The following MYO3B variants were observed in gnomAD, a reference collection of about 807,000 sequenced individuals.
MYO3B encodes the protein myosin-IIIb.
Under a neutral mutation model 174.6 loss-of-function variants are expected in MYO3B, and 156 were observed. That is an observed-to-expected ratio of 0.89 (90% confidence interval 0.78 to 1.02). The LOEUF is 1.02. Among genes scored for constraint, MYO3B ranks in the 50% least tolerant of loss-of-function variants. MYO3B has a pLI of 0.00. For missense variants in MYO3B, 1,632 were observed against 1,639.4 expected (o/e 1.00, Z 0.08); for synonymous variants, 563 against 569.1 (o/e 0.99, Z 0.15).
chr2:170,587,939 T>G (rs1016010012), intron 32 of MYO3B, among the ~76,000 whole-genome samples: 2 of 152,210 alleles, frequency 1.3e-5, no homozygotes, highest in African/African-American at 4.8e-5. Context: ...ATTTTCAGTA[T>G]GGATGAAACC....
At chr2:170,466,414 C>G in intron 24 of MYO3B, 92 bp from the exon 25 acceptor site, 2 of 1,188,328 alleles carry the variant, frequency 1.7e-6, no homozygotes, top group Non-Finnish European at 2.4e-6. Context: ...CTGTGAGCCT[C>G]GAACTGCTCC....
intron 32 of MYO3B, among the ~76,000 whole-genome samples, chr2:170,629,573 G>T (rs1696766498): frequency 6.6e-6 from 1 of 152,172 alleles, no homozygotes; most frequent in Admixed American, 6.5e-5. Flanking sequence ...CAACGGGCTG[G>T]GTGCGGTGGC....
chr2:170,220,162 C>G (rs1190393353), intron 6 of MYO3B, among the ~76,000 whole-genome samples: 3 of 151,698 alleles, frequency 2.0e-5, no homozygotes, highest in Admixed American at 2.0e-4. Flanking sequence ...GGAGGCTGAG[C>G]AAGAAGAATG....
chr2:170,355,836 G>C (rs978324372), intron 8 of MYO3B, among the ~76,000 whole-genome samples: 8 of 152,146 alleles, frequency 5.3e-5, no homozygotes, highest in Non-Finnish European at 1.2e-4. Context: ...CCAAGTTGCT[G>C]ATAGATTTAG....
chr2:170,391,354 A>G (rs2094410418), intron 14 of MYO3B, among the ~76,000 whole-genome samples, 166 bp from the exon 15 acceptor site: 1 of 152,210 alleles, frequency 6.6e-6, no homozygotes, highest in African/African-American at 2.4e-5. Context: ...TATGACAATT[A>G]CTATACTAAT....
chr2:170,336,428 A>G (rs2093947872), intron 8 of MYO3B, among the ~76,000 whole-genome samples: 1 of 152,182 alleles, frequency 6.6e-6, no homozygotes, highest in South Asian at 2.1e-4. Context: ...GGGTCTTTTG[A>G]TCATCTTCCT....
intron 32 of MYO3B, among the ~76,000 whole-genome samples, chr2:170,649,075 A>ATATAAAATAATATATAATGTATAT (rs1698677529): frequency 1.8e-5 from 1 of 54,456 alleles, no homozygotes; most frequent in Non-Finnish European, 2.6e-5. Flanking sequence ...AATGTATATT[A>ATATAAAATAATATATAATGTATAT]TATATAAAAT....
chr2:170,417,051 C>G (rs143285130), intron 22 of MYO3B, among the ~76,000 whole-genome samples: 1,860 of 152,122 alleles, frequency 0.012, 29 homozygotes, highest in African/African-American at 0.04. Flanking sequence ...ATCTCAATCT[C>G]CTGACCTCGT....
intron 23 of MYO3B, among the ~76,000 whole-genome samples, chr2:170,453,135 A>G (rs1413683544): frequency 6.6e-6 from 1 of 152,220 alleles, no homozygotes; most frequent in East Asian, 1.9e-4. Flanking sequence ...TTTTAAGGAC[A>G]TAAAACAACA....
intron 32 of MYO3B, chr2:170,641,287 ACTTTTT>A (rs1397865186): frequency 6.6e-6 from 1 of 152,214 alleles, no homozygotes; most frequent in African/African-American, 2.4e-5. Context: ...AAATTGTCAG[ACTTTTT>A]CTTAAGAACC....
intron 6 of MYO3B, among the ~76,000 whole-genome samples, chr2:170,219,639 G>A (rs2092870441): frequency 6.7e-6 from 1 of 149,876 alleles, no homozygotes; most frequent in Admixed American, 6.6e-5. Flanking sequence ...GTTAGACTCT[G>A]TCTCTCAAAA....
At chr2:170,520,481 A>G (rs1688611120) in intron 30 of MYO3B, among the ~76,000 whole-genome samples, 1 of 151,726 alleles carries the variant, frequency 6.6e-6, no homozygotes, top group African/African-American at 2.4e-5. Flanking sequence ...ATATACACAT[A>G]TATATATACA....
At chr2:170,227,683 G>A (rs916201168) in intron 6 of MYO3B, among the ~76,000 whole-genome samples, 4 of 152,202 alleles carry the variant, frequency 2.6e-5, no homozygotes, top group Admixed American at 2.0e-4. Flanking sequence ...GGTGCTGTCA[G>A]CCTGGGTGAG....
chr2:170,192,652 C>A (rs1312568330), intron 1 of MYO3B, among the ~76,000 whole-genome samples: 3 of 150,740 alleles, frequency 2.0e-5, no homozygotes, highest in Non-Finnish European at 4.4e-5. Context: ...AAAAAAATTT[C>A]TTTTTAATTA....
At chr2:170,279,274 C>T (rs1168707655) in intron 7 of MYO3B, among the ~76,000 whole-genome samples, 1 of 152,074 alleles carries the variant, frequency 6.6e-6, no homozygotes, top group East Asian at 1.9e-4. Flanking sequence ...TCCCTTTTAT[C>T]TGCGTCCTTG....
intron 25 of MYO3B, among the ~76,000 whole-genome samples, chr2:170,480,060 A>AT (rs1685590647): frequency 4.4e-5 from 6 of 137,876 alleles, no homozygotes; most frequent in African/African-American, 1.5e-4. Flanking sequence ...TATATATATA[A>AT]AATAACACCA....
At chr2:170,422,093 A>C (rs1413185858) in intron 22 of MYO3B, among the ~76,000 whole-genome samples, 1 of 152,190 alleles carries the variant, frequency 6.6e-6, no homozygotes, top group East Asian at 1.9e-4. Flanking sequence ...CTGCAAATTG[A>C]GGGGTGTGCA....
At chr2:170,622,214 C>T (rs907379621) in intron 32 of MYO3B, among the ~76,000 whole-genome samples, 1 of 152,156 alleles carries the variant, frequency 6.6e-6, no homozygotes, top group South Asian at 2.1e-4. Context: ...TCCAATGTTG[C>T]AGTGTGGCTA....
chr2:170,624,182 A>C (rs972841129), intron 32 of MYO3B, among the ~76,000 whole-genome samples: 4 of 152,184 alleles, frequency 2.6e-5, no homozygotes, highest in African/African-American at 9.7e-5. Flanking sequence ...CATTTTCACA[A>C]TATTGATTCT....
Sources: gnomAD v4.1 joint callset for allele counts (sites outside exome capture counted in the v4.1 genomes callset) on GRCh38, gnomAD v4.1.1 for gene constraint, MANE v1.5 for transcripts, NCBI Gene and HGNC (gene_info 2026-07-23, HGNC 2026-07-21) for gene names.